LRRC4C: variants seen among roughly 807,000 people sequenced by gnomAD.
LRRC4C encodes the protein leucine-rich repeat-containing protein 4C.
LRRC4C carries 5 observed loss-of-function variants against 33.6 expected under a neutral mutation model. The observed-to-expected ratio is 0.15, with a 90% CI of 0.08 to 0.31. LRRC4C has a LOEUF of 0.31. LRRC4C is among the 10% of genes least tolerant of loss of function. The probability of loss-of-function intolerance (pLI) is 1.00; values close to 1 mark genes in which losing one functional copy is unlikely to be tolerated. For synonymous variants in LRRC4C, 329 were observed against 302.0 expected (o/e 1.09, Z -0.93); for missense variants, 560 against 796.7 (o/e 0.70, Z 3.58).
intron 1 of LRRC4C, among the ~76,000 whole-genome samples, chr11:41,133,654 GAGACTCTA>G (rs149740183): frequency 0.025 from 3,871 of 152,054 alleles, 67 homozygotes; most frequent in Non-Finnish European, 0.03. Context: ...TGTTAAAATA[GAGACTCTA>G]AGACAGAACA....
At chr11:40,410,165 T>C (rs1459002703) in intron 3 of LRRC4C, among the ~76,000 whole-genome samples, 1 of 151,892 alleles carries the variant, frequency 6.6e-6, no homozygotes, top group Admixed American at 6.6e-5. Flanking sequence ...TGACCATTAG[T>C]CTAGAAACAT....
At chr11:40,199,645 A>T (rs1227613719) in intron 5 of LRRC4C, among the ~76,000 whole-genome samples, 2 of 152,216 alleles carry the variant, frequency 1.3e-5, no homozygotes, top group Non-Finnish European at 2.9e-5. Context: ...TGGTTATTTT[A>T]TAAAGATATT....
At chr11:41,189,571 G>T (rs557276916) in intron 1 of LRRC4C, among the ~76,000 whole-genome samples, 1 of 152,222 alleles carries the variant, frequency 6.6e-6, no homozygotes, top group African/African-American at 2.4e-5. Context: ...TGAAGACTTG[G>T]CATTAAGAAT....
At chr11:40,329,700 C>A (rs1262678746) in intron 3 of LRRC4C, among the ~76,000 whole-genome samples, 7 of 151,328 alleles carry the variant, frequency 4.6e-5, no homozygotes, top group African/African-American at 7.3e-5. Flanking sequence ...GTATTGATTG[C>A]ATAACCACTT....
intron 2 of LRRC4C, among the ~76,000 whole-genome samples, chr11:40,739,951 T>C (rs1344138801): frequency 6.6e-6 from 1 of 151,940 alleles, no homozygotes; most frequent in African/African-American, 2.4e-5. Context: ...TATACGATTA[T>C]ATATTTGTAT....
At chr11:40,840,772 A>G (rs1483606875) in intron 2 of LRRC4C, among the ~76,000 whole-genome samples, 1 of 152,218 alleles carries the variant, frequency 6.6e-6, no homozygotes, top group Non-Finnish European at 1.5e-5. Flanking sequence ...CCAAGGGCTT[A>G]TGAATAAAGA....
At chr11:40,682,550 T>C (rs1237674839) in intron 2 of LRRC4C, among the ~76,000 whole-genome samples, 1 of 151,950 alleles carries the variant, frequency 6.6e-6, no homozygotes, top group African/African-American at 2.4e-5. Flanking sequence ...CCGAGGCAGG[T>C]AGATCACCTG....
At chr11:41,335,465 C>A (rs1355045281) in intron 1 of LRRC4C, among the ~76,000 whole-genome samples, 1 of 152,102 alleles carries the variant, frequency 6.6e-6, no homozygotes, top group African/African-American at 2.4e-5. Flanking sequence ...TTATTCTCTG[C>A]TTACTGAGCT....
rs1160569389 is a variant in LRRC4C, at chr11:40,959,854, AC to A, written c.-495-26132del. ...AAAACAAGCTCAACACCCAACAAAA[AC>A]CCACAGTGGTATTGTATTATCAACA... On this transcript the variant is annotated intron_variant, in intron 1 of 6. Transcript: ENST00000528697. 2.6e-5 allele frequency among the ~76,000 whole-genome samples: 4 copies of A among 151,650 alleles called. No individual in the cohort carries two copies. In the South Asian group the frequency reaches 6.2e-4, roughly 24 times the overall value.
intron 3 of LRRC4C, among the ~76,000 whole-genome samples, chr11:40,537,638 T>C (rs894953510): frequency 4.2e-4 from 64 of 152,110 alleles, no homozygotes; most frequent in African/African-American, 1.5e-3. Context: ...CCCCATCTGG[T>C]TCTCAAAAAC....
chr11:41,321,190 T>C (rs1466102069), intron 1 of LRRC4C, among the ~76,000 whole-genome samples: 13 of 152,162 alleles, frequency 8.5e-5, no homozygotes, highest in Admixed American at 8.5e-4. Context: ...TTTTATGCCA[T>C]GTAATGTAAA....
At chr11:40,865,426 A>C (rs909396993) in intron 2 of LRRC4C, among the ~76,000 whole-genome samples, 10 of 151,886 alleles carry the variant, frequency 6.6e-5, no homozygotes, top group African/African-American at 2.4e-4. Context: ...TGCTAAACAA[A>C]ATGTTAAGTA....
chr11:40,949,803 ATCAACT>A (rs1217417287), intron 1 of LRRC4C, among the ~76,000 whole-genome samples: 3 of 151,990 alleles, frequency 2.0e-5, no homozygotes, highest in African/African-American at 7.2e-5. Flanking sequence ...AAGAAACTGC[ATCAACT>A]AACGAGCAAA....
intron 2 of LRRC4C, among the ~76,000 whole-genome samples, chr11:40,904,839 T>C (rs1227440559): frequency 2.0e-5 from 3 of 151,934 alleles, no homozygotes; most frequent in Non-Finnish European, 4.4e-5. Flanking sequence ...CAGATGGGAG[T>C]GCGGAACACA....
chr11:40,382,684 ATTTTTTT>A (rs35200000), intron 3 of LRRC4C, among the ~76,000 whole-genome samples: 2 of 65,568 alleles, frequency 3.1e-5, no homozygotes, highest in African/African-American at 6.4e-5. Flanking sequence ...ACTTGTACTC[ATTTTTTT>A]TTTTTTTTTT....
intron 2 of LRRC4C, among the ~76,000 whole-genome samples, chr11:40,865,997 G>A (rs967794274): frequency 6.6e-6 from 1 of 151,082 alleles, no homozygotes; most frequent in African/African-American, 2.4e-5. Flanking sequence ...CTATTAAATT[G>A]TCTATATGAG....
At chr11:40,164,531 C>A (rs528989140) in intron 5 of LRRC4C, among the ~76,000 whole-genome samples, 1 of 152,260 alleles carries the variant, frequency 6.6e-6, no homozygotes, top group Admixed American at 6.5e-5. Context: ...GCCACCGTGC[C>A]CAGCCAAATC....
At chr11:40,568,797 T>C (rs12099322) in intron 3 of LRRC4C, among the ~76,000 whole-genome samples, 1,805 of 152,208 alleles carry the variant, frequency 0.012, 23 homozygotes, top group African/African-American at 0.026. Context: ...CAAGTTGTCA[T>C]GGGATGAGGA....
At chr11:40,739,169 C>T (rs1361844246) in intron 2 of LRRC4C, among the ~76,000 whole-genome samples, 1 of 151,956 alleles carries the variant, frequency 6.6e-6, no homozygotes, top group African/African-American at 2.4e-5. Context: ...CTTACTCATC[C>T]TGCTTAACTG....
Sources: gnomAD v4.1 joint callset for allele counts (sites outside exome capture counted in the v4.1 genomes callset) on GRCh38, gnomAD v4.1.1 for gene constraint, MANE v1.5 for transcripts, NCBI Gene and HGNC (gene_info 2026-07-23, HGNC 2026-07-21) for gene names.